Variants in MRPL48 observed in about 807,000 individuals in gnomAD.
MRPL48 encodes the protein mitochondrial ribosomal protein L48.
In MRPL48, 16 loss-of-function variants were observed where a neutral mutation model predicts 32.9. That is an observed-to-expected ratio of 0.49 (90% CI 0.33 to 0.74). The LOEUF is 0.74. MRPL48 is among the 30% of genes least tolerant of loss of function. MRPL48 has a pLI of 0.02. For missense variants in MRPL48, 206 were observed against 245.3 expected, an observed-to-expected ratio of 0.84 and a Z score of 1.07; for synonymous variants, 94 against 89.2, an observed-to-expected ratio of 1.05 and a Z score of -0.31.
chr11:73,791,667 C>T (rs1947157483), intron 1 of MRPL48, among the ~76,000 whole-genome samples: 1 of 152,192 alleles, frequency 6.6e-6, no homozygotes, highest in Non-Finnish European at 1.5e-5. Context: ...GATCTGCCCG[C>T]CTCGGCCTCC....
chr11:73,850,244 T>A (rs763414794), intron 5 of MRPL48, among the ~76,000 whole-genome samples: 34 of 150,674 alleles, frequency 2.3e-4, no homozygotes, highest in African/African-American at 3.6e-4. Context: ...ATAACAAAAA[T>A]TTTTTTTTTA....
chr11:73,823,218 C>G, intron 3 of MRPL48: 1 of 240,586 alleles, frequency 4.2e-6, no homozygotes, highest in Non-Finnish European at 8.5e-6. Flanking sequence ...AAATTGGTCC[C>G]TAGTGCCAAA....
chr11:73,808,934 AAAAT>A (rs1947514750), intron 3 of MRPL48, among the ~76,000 whole-genome samples: 1 of 150,112 alleles, frequency 6.7e-6, no homozygotes, highest in Non-Finnish European at 1.5e-5. Context: ...AAAAAAAAAA[AAAAT>A]AATGAGAAGG....
At chr11:73,806,432 A>T (rs529594159) in intron 2 of MRPL48, among the ~76,000 whole-genome samples, 1 of 152,090 alleles carries the variant, frequency 6.6e-6, no homozygotes. Flanking sequence ...TCCAAATGTC[A>T]TCCCATCCAA....
intron 5 of MRPL48, among the ~76,000 whole-genome samples, chr11:73,854,581 C>G (rs1056910835): frequency 6.6e-6 from 1 of 152,204 alleles, no homozygotes; most frequent in African/African-American, 2.4e-5. Context: ...GCCACCGTGC[C>G]TGGCCTAGTT....
intron 3 of MRPL48, among the ~76,000 whole-genome samples, chr11:73,820,259 C>T (rs533085112): frequency 4.3e-4 from 65 of 152,294 alleles, no homozygotes; most frequent in Non-Finnish European, 8.2e-4. Context: ...GAGTCTCGCT[C>T]TGTTGCCCAG....
intron 4 of MRPL48, among the ~76,000 whole-genome samples, chr11:73,826,191 A>T (rs962200678): frequency 2.0e-5 from 3 of 151,668 alleles, no homozygotes; most frequent in African/African-American, 7.3e-5. Flanking sequence ...TAATTAAAAA[A>T]AATTTTTTTA....
chr11:73,853,680 C>A (rs1356325814), intron 5 of MRPL48, among the ~76,000 whole-genome samples: 2 of 79,122 alleles, frequency 2.5e-5, no homozygotes, highest in Non-Finnish European at 4.8e-5. Context: ...GAGATAGCTT[C>A]TTTTTTTTTT....
At chr11:73,819,013 T>G (rs60487072) in intron 3 of MRPL48, among the ~76,000 whole-genome samples, 1 of 152,226 alleles carries the variant, frequency 6.6e-6, no homozygotes, top group Non-Finnish European at 1.5e-5. Context: ...AATGTTAATG[T>G]GACAGCAGGA....
intron 4 of MRPL48, among the ~76,000 whole-genome samples, chr11:73,834,736 T>A (rs1465757177): frequency 6.6e-6 from 1 of 151,970 alleles, no homozygotes; most frequent in African/African-American, 2.4e-5. Context: ...GGTTTCACCA[T>A]GTTGGCCAGG....
At chr11:73,798,172 G>A (rs926410989) in intron 1 of MRPL48, among the ~76,000 whole-genome samples, 3 of 152,030 alleles carry the variant, frequency 2.0e-5, no homozygotes, top group African/African-American at 7.2e-5. Context: ...CCACCTCCTG[G>A]GTTCAAGTGA....
At chr11:73,863,776 A>G (rs1021142063) in intron 7 of MRPL48, among the ~76,000 whole-genome samples, 6 of 152,214 alleles carry the variant, frequency 3.9e-5, no homozygotes, top group African/African-American at 1.2e-4. Context: ...CCAGTTGCCA[A>G]GATGATCCTT....
rs370608269 is a variant in MRPL48 at position 73,812,717 on chromosome 11, AAT to A, written c.112+4390_112+4391del. Among the ~76,000 whole-genome samples the A allele has an allele frequency of 4.1e-3, 549 of 135,502 alleles. 1 individual carries two copies. Among genetic ancestry groups the A allele is most frequent in the African/African-American group, 0.013 (463 of 34,850 alleles). 88.9% of individuals were successfully genotyped at this position (135,502 alleles called of 152,430 possible). A position where few individuals can be genotyped will look rare whatever the true frequency, so the allele number is the denominator to read the frequency against. Reference sequence around the variant, plus strand: ...GCGACAGAGCAGGATCCCATGTCTAAATATATATATATATATATATATATTTA... The same window carrying A: ...GCGACAGAGCAGGATCCCATGTCTAAATATATATATATATATATATATTTA... On this transcript the variant is annotated intron_variant, in intron 3 of 7. Transcript: ENST00000310614.
intron 4 of MRPL48, among the ~76,000 whole-genome samples, chr11:73,837,778 G>A (rs1034478927): frequency 6.6e-6 from 1 of 152,082 alleles, no homozygotes; most frequent in Admixed American, 6.6e-5. Context: ...CTGCCTGGCT[G>A]GCCTTCATGT....
At position 73,826,541 on chromosome 11, in the gene MRPL48, C is replaced by T. The variant is rs142649761; in HGVS notation, c.201+745C>T. 6.6e-3 allele frequency among the ~76,000 whole-genome samples: 1,007 copies of T among 152,082 alleles called. 2 individuals are homozygous for T. Among genetic ancestry groups the T allele is most frequent in the Middle Eastern group, 0.041 (12 of 290 alleles). On this transcript the variant is annotated intron_variant, in intron 4 of 7. Coordinates refer to ENST00000310614, the MANE Select transcript of MRPL48 (RefSeq NM_016055.6). Reference sequence around the variant, plus strand: ...TTGCCCAGGCTGGAGTGCAGTGGCACGATCTCAGCTCACTGCAACCTTTGG... The same window carrying T: ...TTGCCCAGGCTGGAGTGCAGTGGCATGATCTCAGCTCACTGCAACCTTTGG...
chr11:73,796,803 G>A (rs1031089653), intron 1 of MRPL48, among the ~76,000 whole-genome samples: 2 of 152,200 alleles, frequency 1.3e-5, no homozygotes, highest in Non-Finnish European at 1.5e-5. Flanking sequence ...AGTGGCTCAT[G>A]CCTGTAATCC....
chr11:73,819,828 C>T (rs1260687271), intron 3 of MRPL48, among the ~76,000 whole-genome samples: 6 of 152,112 alleles, frequency 3.9e-5, no homozygotes, highest in Non-Finnish European at 8.8e-5. Context: ...AGCCTAGGCA[C>T]ATCAAGGTTG....
intron 3 of MRPL48, among the ~76,000 whole-genome samples, chr11:73,809,050 C>A (rs1018453617): frequency 1.3e-5 from 2 of 152,024 alleles, no homozygotes; most frequent in African/African-American, 4.8e-5. Flanking sequence ...GAGGCCAAGG[C>A]AGGAGGATCT....
chr11:73,803,928 A>AT (rs1212778369), intron 1 of MRPL48, among the ~76,000 whole-genome samples: 7 of 150,656 alleles, frequency 4.6e-5, no homozygotes, highest in Admixed American at 1.3e-4. Flanking sequence ...TTATATTTTA[A>AT]TTTTTTTTTG....
Sources: gnomAD v4.1 joint callset for allele counts (sites outside exome capture counted in the v4.1 genomes callset) on GRCh38, gnomAD v4.1.1 for gene constraint, MANE v1.5 for transcripts, NCBI Gene and HGNC (gene_info 2026-07-23, HGNC 2026-07-21) for gene names.